GFRA2: variants seen among roughly 807,000 people sequenced by gnomAD.
GFRA2 encodes the protein GDNF family receptor alpha 2.
In GFRA2, 17 loss-of-function variants were observed where a neutral mutation model predicts 48.3. The ratio of observed to expected loss-of-function variants is 0.35; its 90% confidence interval spans 0.24 to 0.53. The LOEUF (loss-of-function observed/expected upper bound fraction) is 0.53. GFRA2 is among the 20% of genes least tolerant of loss of function. GFRA2 has a pLI of 0.93. For missense variants in GFRA2, 660 were observed against 637.3 expected (o/e 1.04, Z -0.38); for synonymous variants, 305 against 257.2 (o/e 1.19, Z -1.78).
At chr8:21,782,235 C>G (rs1402836403) in intron 2 of GFRA2, among the ~76,000 whole-genome samples, 1 of 151,914 alleles carries the variant, frequency 6.6e-6, no homozygotes. Flanking sequence ...TTCACACCGT[C>G]CTTGCTTGAA....
At chr8:21,743,333 A>G (rs1228017023) in intron 4 of GFRA2, among the ~76,000 whole-genome samples, 1 of 152,190 alleles carries the variant, frequency 6.6e-6, no homozygotes, top group East Asian at 1.9e-4. Context: ...TGGGCCCCTG[A>G]GCGAGATTTT....
intron 8 of GFRA2, among the ~76,000 whole-genome samples, chr8:21,694,003 C>T (rs1428524144): frequency 2.8e-5 from 4 of 141,602 alleles, no homozygotes; most frequent in South Asian, 2.3e-4. Context: ...ACGTCATATA[C>T]ATGAGATATA....
chr8:21,736,390 T>C (rs985544520), intron 4 of GFRA2, among the ~76,000 whole-genome samples: 9 of 152,234 alleles, frequency 5.9e-5, no homozygotes, highest in African/African-American at 1.7e-4. Flanking sequence ...CCTAAAAAAA[T>C]AGCTGCAAGT....
In GFRA2 at chr8:21,750,339, T is replaced by A. The variant is rs28651181; in HGVS notation, c.794+249A>T. Among the ~76,000 whole-genome samples, 32,012 of 152,110 alleles carry A rather than the reference T, an allele frequency of 0.21. 4,901 individuals are homozygous for A. Among genetic ancestry groups the A allele is most frequent in the African/African-American group, 0.43 (17,991 of 41,450 alleles). ...CCCAGCTGAGCACAAAGTAAGCAAA[T>A]GATAAACCTGTTCTGAGTGAATGAA... is the stretch of plus-strand genomic sequence containing the variant. On this transcript the variant is annotated intron_variant, in intron 4 of 8. Coordinates refer to ENST00000524240, the MANE Select transcript of GFRA2 (RefSeq NM_001495.5). This position sits in a 1 kb window ranked among gnomAD's most constrained non-coding sequence, Gnocchi z 5.7.
intron 4 of GFRA2, 68 bp from the exon 5 acceptor site, chr8:21,706,109 T>C: frequency 9.9e-7 from 1 of 1,011,484 alleles, no homozygotes; most frequent in East Asian, 2.6e-5. Flanking sequence ...GTCTCCTCTG[T>C]CCTGCCAGTG....
Position 21,750,553 on chromosome 8 carries a change from C to G in GFRA2, c.794+35G>C. On this transcript the variant is annotated intron_variant, in intron 4 of 8. Coordinates refer to ENST00000524240, the MANE Select transcript of GFRA2 (RefSeq NM_001495.5). This position sits in a 1 kb window ranked among gnomAD's most constrained non-coding sequence, Gnocchi z 5.7. ...CACAGCCTGGCAATGCAAGCGCCCT[C>G]CTGCCAGCACCACCGGGGCTGCCGC... 1 of 1,298,698 alleles carries G rather than the reference C, an allele frequency of 7.7e-7. No homozygotes were observed. The highest frequency in any genetic ancestry group is 1.1e-6 in the Non-Finnish European group (1 of 921,152). The allele number at this position is 1,298,698 out of a possible 1,614,324, so 80.4% of individuals were successfully genotyped here. A position where few individuals can be genotyped will look rare whatever the true frequency, so the allele number is the denominator to read the frequency against.
intron 3 of GFRA2, chr8:21,768,997 A>G (rs2117682459): frequency 6.3e-6 from 1 of 159,128 alleles, no homozygotes; most frequent in East Asian, 1.9e-4. Flanking sequence ...CTCCTCTTCC[A>G]AGACTTCCTC....
At chr8:21,704,922 T>C (rs1802662422) in intron 6 of GFRA2, 63 bp downstream of exon 6, 1 of 1,260,728 alleles carries the variant, frequency 7.9e-7, no homozygotes, top group Non-Finnish European at 1.1e-6. Flanking sequence ...TGGGAATGGC[T>C]AGGACAGACT....
At chr8:21,696,995 AAG>A (rs1455493668) in intron 7 of GFRA2, among the ~76,000 whole-genome samples, 3 of 120,736 alleles carry the variant, frequency 2.5e-5, no homozygotes, top group Non-Finnish European at 3.5e-5. Flanking sequence ...CAGGGGAGAG[AAG>A]AGAGAGGGGA....
intron 4 of GFRA2, among the ~76,000 whole-genome samples, chr8:21,740,809 C>T (rs1212204620): frequency 6.6e-6 from 1 of 152,250 alleles, no homozygotes; most frequent in Non-Finnish European, 1.5e-5. Context: ...CAGGCCTTCG[C>T]CATCTCAGAA....
chr8:21,741,038 C>T (rs897698008), intron 4 of GFRA2, among the ~76,000 whole-genome samples: 1 of 152,248 alleles, frequency 6.6e-6, no homozygotes, highest in Admixed American at 6.5e-5. Context: ...GGCCTCTCTG[C>T]AGTCGTTCTC....
rs201515239 is a variant in GFRA2 at position 21,750,107 on chromosome 8, A to ACACACACACACG, written c.794+480_794+481insCGTGTGTGTGTG. On this transcript the variant is annotated intron_variant, in intron 4 of 8. Transcript: ENST00000524240. The surrounding 1 kb of genome is among the most constrained non-coding windows in gnomAD (Gnocchi z 5.7). ...TGTGTATACACACACACACACACAC[A>ACACACACACACG]CACGCACATATATAGGTAGAGACTG... Among the ~76,000 whole-genome samples, 5,282 of 150,684 alleles carry ACACACACACACG rather than the reference A, an allele frequency of 0.035. 298 individuals carry two copies. Among genetic ancestry groups the ACACACACACACG allele is most frequent in the African/African-American group, 0.12 (4,886 of 40,886 alleles).
At chr8:21,700,570 A>G (rs1324671365) in intron 7 of GFRA2, among the ~76,000 whole-genome samples, 1 of 152,134 alleles carries the variant, frequency 6.6e-6, no homozygotes, top group Non-Finnish European at 1.5e-5. Flanking sequence ...GCCCTTCTCG[A>G]CTGCCAACTG....
intron 8 of GFRA2, among the ~76,000 whole-genome samples, chr8:21,694,077 T>TTTATATATATA (rs1802032776): frequency 9.1e-6 from 1 of 109,294 alleles, no homozygotes; most frequent in African/African-American, 3.2e-5. Context: ...TTATTTATTT[T>TTTATATATATA]TATATATATA....
chr8:21,704,951 G>A, intron 6 of GFRA2, 34 bp downstream of exon 6: 2 of 1,556,634 alleles, frequency 1.3e-6, no homozygotes, highest in Non-Finnish European at 1.8e-6. Flanking sequence ...GGTGGGAGGG[G>A]CTGCTGGGGT....
chr8:21,800,171 A>G (rs1251392899), intron 2 of GFRA2, among the ~76,000 whole-genome samples: 2 of 152,152 alleles, frequency 1.3e-5, no homozygotes, highest in Admixed American at 1.3e-4. Flanking sequence ...TTTTTCCAGA[A>G]CCAGCAAAAC....
rs1802059330 is a variant in GFRA2 at position 21,694,511 on chromosome 8, C to T, written c.1225G>A (p.Gly409Arg). ...ITTCTSVQEQ[G>R]LKANNSKELS... ...TCTTTGGAGTTGTTGGCCTTCAGCCCCTGCTCCTGCGAGAGAGAAGGTGCC... is the reference window on the plus strand; with the variant it reads ...TCTTTGGAGTTGTTGGCCTTCAGCCTCTGCTCCTGCGAGAGAGAAGGTGCC... The change falls in exon 8 of 9, where the codon GGG becomes AGG. Residue 409 changes from glycine (G) to arginine (R), a missense_variant. Physicochemically the swap from Gly to Arg is moderately radical, Grantham distance 125. Transcript: ENST00000524240. 3 of 1,610,436 alleles carry T rather than the reference C, an allele frequency of 1.9e-6. No homozygotes were observed. Among genetic ancestry groups the T allele is most frequent in the East Asian group, 2.2e-5 (1 of 44,776 alleles).
chr8:21,724,952 T>C (rs191975551), intron 4 of GFRA2, among the ~76,000 whole-genome samples: 1 of 152,182 alleles, frequency 6.6e-6, no homozygotes, highest in Non-Finnish European at 1.5e-5. Flanking sequence ...TCCTGGACAC[T>C]GGCACAGTCC....
upstream of GFRA2, chr8:21,790,194 G>T: frequency 5.8e-6 from 4 of 692,440 alleles, no homozygotes; most frequent in Non-Finnish European, 7.1e-6. Context: ...CGGGAGAGGC[G>T]CGGGGTCGCG....
Sources: gnomAD v4.1 joint callset for allele counts (sites outside exome capture counted in the v4.1 genomes callset) on GRCh38, gnomAD v4.1.1 for gene constraint, Gnocchi (gnomAD v3.1) non-coding constraint, MANE v1.5 for transcripts, NCBI Gene and HGNC (gene_info 2026-07-23, HGNC 2026-07-21) for gene names.